TESMIN: variants seen among roughly 807,000 people sequenced by gnomAD.
The protein encoded by TESMIN is CXC domain containing 2.
TESMIN carries 34 observed loss-of-function variants against 47.4 expected under a neutral mutation model. The ratio of observed to expected loss-of-function variants is 0.72; its 90% confidence interval spans 0.55 to 0.96. The LOEUF is 0.96. Ranked by LOEUF, TESMIN falls within the 40% of genes least tolerant of loss-of-function variation. TESMIN has a pLI of 0.00. For missense variants in TESMIN, 610 were observed against 637.2 expected (o/e 0.96, Z 0.46); for synonymous variants, 278 against 258.9 (o/e 1.07, Z -0.71).
intron 9 of TESMIN, among the ~76,000 whole-genome samples, 183 bp from the exon 10 acceptor site, chr11:68,708,683 C>A (rs1369991276): frequency 6.6e-6 from 1 of 152,108 alleles, no homozygotes; most frequent in Non-Finnish European, 1.5e-5. Context: ...GTAATCCCAG[C>A]ACCTTGGGAG....
chr11:68,748,538 AACT>A (rs1343819249), intron 2 of TESMIN, among the ~76,000 whole-genome samples: 1 of 152,250 alleles, frequency 6.6e-6, no homozygotes, highest in Non-Finnish European at 1.5e-5. Flanking sequence ...CTAATATCTG[AACT>A]ACTTATACTA....
chr11:68,741,714 A>T (rs1475240673), intron 5 of TESMIN, among the ~76,000 whole-genome samples: 1 of 152,128 alleles, frequency 6.6e-6, no homozygotes, highest in Admixed American at 6.5e-5. Flanking sequence ...CTCTGCCCCT[A>T]TGGAGCCTGC....
chr11:68,745,300 CAAAAAA>C (rs71993839), intron 3 of TESMIN, among the ~76,000 whole-genome samples, 189 bp from the exon 4 acceptor site: 2 of 72,490 alleles, frequency 2.8e-5, no homozygotes, highest in African/African-American at 1.0e-4. Flanking sequence ...CACCAAAGGG[CAAAAAA>C]AAAAAAAAAA....
At chr11:68,715,073 G>A (rs1594286040) in intron 7 of TESMIN, among the ~76,000 whole-genome samples, 1 of 152,144 alleles carries the variant, frequency 6.6e-6, no homozygotes, top group Non-Finnish European at 1.5e-5. Flanking sequence ...AATTATTTTA[G>A]AAAACAATGC....
chr11:68,705,471 T>C (rs532699708), downstream of TESMIN, among the ~76,000 whole-genome samples: 7 of 152,306 alleles, frequency 4.6e-5, no homozygotes, highest in South Asian at 1.0e-3. Context: ...TCTGCTGACC[T>C]TCCGCCGCCA....
Position 68,708,214 on chromosome 11 carries a change from G to T in TESMIN, c.*94C>A. 2 of 1,272,674 alleles carry T rather than the reference G, an allele frequency of 1.6e-6. No homozygotes were observed. Among genetic ancestry groups the T allele is most frequent in the Non-Finnish European group, 2.2e-6 (2 of 916,470 alleles). 78.8% of individuals were successfully genotyped at this position (1,272,674 alleles called of 1,614,324 possible). A position where few individuals can be genotyped will look rare whatever the true frequency, so the allele number is the denominator to read the frequency against. ...AGGGATGCAGGGGAGCCTGGTTGTT[G>T]CTGCAGAGCCAGCCTCATGTTCCCC... On this transcript the variant is annotated 3_prime_UTR_variant, in exon 10 of 10. Coordinates refer to ENST00000255087, the MANE Select transcript of TESMIN (RefSeq NM_004923.3).
At chr11:68,745,760 C>A (rs778048234) in intron 3 of TESMIN, among the ~76,000 whole-genome samples, 2 of 152,166 alleles carry the variant, frequency 1.3e-5, no homozygotes, top group Non-Finnish European at 2.9e-5. Context: ...ACTGTCAGAC[C>A]CCCCTTGGAT....
intron 6 of TESMIN, among the ~76,000 whole-genome samples, chr11:68,729,523 C>CA (rs35489556): frequency 0.02 from 2,035 of 103,270 alleles, 25 homozygotes; most frequent in South Asian, 0.052. Context: ...GACTCTGTCT[C>CA]AAAAAAAAAA....
intron 6 of TESMIN, chr11:68,733,701 T>C (rs1946354947): frequency 6.6e-6 from 1 of 152,240 alleles, no homozygotes; most frequent in Non-Finnish European, 1.5e-5. Context: ...TTTTAGACTT[T>C]GTGTCCCATG....
chr11:68,747,107 C>A (rs36118833), intron 3 of TESMIN, 101 bp downstream of exon 3: 32 of 1,344,680 alleles, frequency 2.4e-5, no homozygotes, highest in Middle Eastern at 3.6e-4. Context: ...ACAATACATA[C>A]GTGAAATGAA....
intron 6 of TESMIN, among the ~76,000 whole-genome samples, chr11:68,719,132 C>G (rs1304413512): frequency 2.0e-5 from 3 of 152,160 alleles, no homozygotes; most frequent in African/African-American, 7.2e-5. Flanking sequence ...TGGAAACCAG[C>G]CCCTCCATGG....
intron 6 of TESMIN, among the ~76,000 whole-genome samples, chr11:68,722,477 G>A (rs111860598): frequency 6.6e-6 from 1 of 152,138 alleles, no homozygotes; most frequent in African/African-American, 2.4e-5. Flanking sequence ...TGTATGGAAT[G>A]CTGCCATCTG....
intron 6 of TESMIN, chr11:68,737,978 G>A (rs1402668537): frequency 2.5e-5 from 25 of 985,676 alleles, no homozygotes; most frequent in Non-Finnish European, 2.6e-5. Context: ...AACACCTCTT[G>A]GAGGCAGGAA....
chr11:68,725,993 C>G (rs1400528665), intron 6 of TESMIN, among the ~76,000 whole-genome samples: 3 of 152,132 alleles, frequency 2.0e-5, no homozygotes, highest in Non-Finnish European at 4.4e-5. Context: ...TCCCAGCAAC[C>G]AAAGGCGCTG....
Position 68,750,710 on chromosome 11 carries a change from C to G in TESMIN, c.-39-11G>C, listed in dbSNP as rs752912822. The G allele has an allele frequency of 1.5e-6, 2 of 1,340,868 alleles. No individual in the cohort carries two copies. The highest frequency in any genetic ancestry group is 2.0e-6 in the Non-Finnish European group (2 of 1,019,958). The allele number at this position is 1,340,868 out of a possible 1,614,324, so 83.1% of individuals were successfully genotyped here. A position where few individuals can be genotyped will look rare whatever the true frequency, so the allele number is the denominator to read the frequency against. On this transcript the variant is annotated splice_polypyrimidine_tract_variant and intron_variant, in intron 1 of 9. Transcript: ENST00000255087. ...GCGGGGGCCGCGCACCTGCAACACG[C>G]GGCCAGGTGAGAGGCAGCCAGAGGA... is the stretch of plus-strand genomic sequence containing the variant.
intron 9 of TESMIN, 91 bp from the exon 10 acceptor site, chr11:68,708,591 T>C (rs954045346): frequency 1.9e-5 from 23 of 1,186,650 alleles, no homozygotes; most frequent in Middle Eastern, 2.9e-4. Context: ...TGCTTGTCCA[T>C]GCTATTTTAA....
chr11:68,750,212 TG>T lies in TESMIN; in HGVS notation c.448del (p.His150ThrfsTer6). ...LGAWVLEGAS[H>X]PGVRMIPVEI... is the part of the protein sequence containing the mutation. ...TACTGGGATCATGCGGACGCCCGGG[TG>T]GGAGGCTCCTTCCAGGACCCAGGCG... On this transcript the variant is annotated frameshift_variant, in exon 2 of 10. Transcript: ENST00000255087. LOFTEE classifies it high-confidence loss of function. 1 of 1,495,324 alleles carries T rather than the reference TG, an allele frequency of 6.7e-7. No homozygotes were observed. 92.6% of individuals were successfully genotyped at this position (1,495,324 alleles called of 1,614,324 possible).
intron 6 of TESMIN, among the ~76,000 whole-genome samples, chr11:68,726,197 T>C (rs1946261836): frequency 6.6e-6 from 1 of 152,124 alleles, no homozygotes. Flanking sequence ...GAGGGCTCTA[T>C]CTACTCTGGG....
intron 2 of TESMIN, 152 bp downstream of exon 2, chr11:68,750,038 G>C: frequency 1.6e-6 from 1 of 608,342 alleles, no homozygotes; most frequent in Non-Finnish European, 2.6e-6. Flanking sequence ...AAGAGTATAC[G>C]CTCTACCGAG....
Sources: gnomAD v4.1 joint callset for allele counts (sites outside exome capture counted in the v4.1 genomes callset) on GRCh38, gnomAD v4.1.1 for gene constraint, MANE v1.5 for transcripts, NCBI Gene and HGNC (gene_info 2026-07-23, HGNC 2026-07-21) for gene names.